Variants in TMCO6 observed in about 807,000 individuals in gnomAD.
TMCO6 encodes the protein transmembrane and coiled-coil domains 6, also known as transmembrane and coiled-coil domain-containing protein 6.
Under a neutral mutation model 61.8 loss-of-function variants are expected in TMCO6, and 47 were observed. That is an observed-to-expected ratio of 0.76 (90% CI 0.60 to 0.97). The LOEUF is 0.97. Ranked by LOEUF, TMCO6 falls within the 50% of genes least tolerant of loss-of-function variation. TMCO6 has a pLI of 0.00. For missense variants in TMCO6, 557 were observed against 601.6 expected (o/e 0.93, Z 0.78); for synonymous variants, 261 against 254.2 (o/e 1.03, Z -0.25).
At chr5:140,647,071 C>A, downstream of TMCO6, 1 of 678,848 alleles carries the variant, frequency 1.5e-6, no homozygotes. Context: ...CTTATGTTGC[C>A]CGGAATACAA....
chr5:140,612,158 A>T, the TMCO6 span, among the ~76,000 whole-genome samples: 1 of 152,266 alleles, frequency 6.6e-6, no homozygotes, highest in Non-Finnish European at 1.5e-5. Context: ...CTACAACCAC[A>T]ACATTCCACT....
chr5:140,647,467 C>A, downstream of TMCO6: 1 of 1,611,526 alleles, frequency 6.2e-7, no homozygotes, highest in Non-Finnish European at 8.5e-7. Context: ...GCCCGCCTCA[C>A]CACGCCGCGC....
intron 6 of TMCO6, 23 bp from the exon 7 acceptor site, chr5:140,642,902 T>TA (rs763037943): frequency 1.2e-6 from 2 of 1,614,166 alleles, no homozygotes; most frequent in South Asian, 1.1e-5. Context: ...GGTTCCTACT[T>TA]ACAGCCCTGC....
At chr5:140,605,570 C>CAGG in the TMCO6 span, among the ~76,000 whole-genome samples, 1 of 151,948 alleles carries the variant, frequency 6.6e-6, no homozygotes, top group South Asian at 2.1e-4. Flanking sequence ...ATCCCAGCTA[C>CAGG]TTGGGAGGCT....
At chr5:140,633,017 AC>A in the TMCO6 span, 2 of 1,613,720 alleles carry the variant, frequency 1.2e-6, no homozygotes, top group African/African-American at 2.7e-5. Context: ...GCCCCATCCA[AC>A]CCCTGTGGCT....
intron 2 of TMCO6, among the ~76,000 whole-genome samples, 174 bp downstream of exon 2, chr5:140,640,025 A>G (rs1293652353): frequency 1.3e-5 from 2 of 152,180 alleles, no homozygotes; most frequent in Non-Finnish European, 2.9e-5. Context: ...CCACAACCCC[A>G]TATCGATCCA....
chr5:140,609,571 C>T, the TMCO6 span, among the ~76,000 whole-genome samples: 1 of 151,314 alleles, frequency 6.6e-6, no homozygotes, highest in East Asian at 1.9e-4. Context: ...AGCCCCCTAC[C>T]TCGGGCATGG....
At chr5:140,619,429 A>T in the TMCO6 span, among the ~76,000 whole-genome samples, 2 of 152,214 alleles carry the variant, frequency 1.3e-5, no homozygotes, top group Non-Finnish European at 2.9e-5. Context: ...TCTCTTGGGT[A>T]ACTGCCAAAC....
At position 140,639,597 on chromosome 5, in the gene TMCO6, CG is replaced by C; in HGVS notation, c.73del (p.Glu25SerfsTer21). 1 of 1,543,036 alleles carries C rather than the reference CG, an allele frequency of 6.5e-7. No individual in the cohort carries two copies. The highest frequency in any genetic ancestry group is 8.7e-7 in the Non-Finnish European group (1 of 1,143,176). On this transcript the variant is annotated frameshift_variant, in exon 1 of 12. Coordinates refer to ENST00000394671, the MANE Select transcript of TMCO6 (RefSeq NM_018502.5). LOFTEE classifies it high-confidence loss of function. ...CGVEELRRRRREREAALRKAR... is the reference protein window; with the variant it reads ...CGVEELRRRRXEREAALRKAR... ...GGTGGAGGAGCTACGGCGCCGCCGG[CG>C]GGAGCGGGAGGCAGGTGTGGGCGGC...
the TMCO6 span, among the ~76,000 whole-genome samples, chr5:140,626,880 T>C: frequency 6.6e-6 from 1 of 152,224 alleles, no homozygotes; most frequent in East Asian, 1.9e-4. Context: ...AGCAGATCAG[T>C]GCTCTAAGAA....
At chr5:140,627,814 T>C in the TMCO6 span, among the ~76,000 whole-genome samples, 1 of 151,430 alleles carries the variant, frequency 6.6e-6, no homozygotes, top group African/African-American at 2.4e-5. Flanking sequence ...GAGAATCACT[T>C]GAACCTGGGA....
At chr5:140,643,244 TGGA>T in intron 7 of TMCO6, 1 of 721,220 alleles carries the variant, frequency 1.4e-6, no homozygotes, top group Non-Finnish European at 2.2e-6. Flanking sequence ...CCAGGCTGGA[TGGA>T]GTACAGTGGT....
the TMCO6 span, among the ~76,000 whole-genome samples, chr5:140,630,706 AGT>A: frequency 6.6e-6 from 1 of 152,232 alleles, no homozygotes; most frequent in East Asian, 1.9e-4. Flanking sequence ...CATTCCAGTG[AGT>A]GTCCAGCTAA....
At chr5:140,643,532 T>C (rs1757181924) in intron 7 of TMCO6, 32 bp from the exon 8 acceptor site, 5 of 1,590,538 alleles carry the variant, frequency 3.1e-6, no homozygotes, top group African/African-American at 2.7e-5. Flanking sequence ...ATTGACTATA[T>C]ACCTAGGGAC....
At chr5:140,647,064 A>G (rs2149802632), downstream of TMCO6, 2 of 648,184 alleles carry the variant, frequency 3.1e-6, no homozygotes, top group Middle Eastern at 4.2e-4. Context: ...CTGCATACTT[A>G]TGTTGCCCGG....
chr5:140,640,446 G>A (rs1756951262), intron 2 of TMCO6, among the ~76,000 whole-genome samples: 2 of 146,260 alleles, frequency 1.4e-5, no homozygotes, highest in African/African-American at 5.1e-5. Flanking sequence ...TCGCTCTGTC[G>A]CCAGGCTGGA....
chr5:140,600,469 G>GT, the TMCO6 span, among the ~76,000 whole-genome samples: 3,088 of 138,242 alleles, frequency 0.022, 75 homozygotes, highest in African/African-American at 0.062. Context: ...AATTTGTTTT[G>GT]TTTTTTTTTT....
the TMCO6 span, chr5:140,632,202 A>C: frequency 2.5e-6 from 4 of 1,613,442 alleles, no homozygotes; most frequent in Admixed American, 6.7e-5. The surrounding 1 kb of genome is among the most constrained non-coding windows in gnomAD (Gnocchi z 6.2). Context: ...GGTGGCGCGC[A>C]GCGAGTTGTG....
rs771580481 is a variant in TMCO6 at position 140,644,096 on chromosome 5, C to G, written c.1106-4C>G. The G allele has an allele frequency of 4.3e-6, 7 of 1,613,980 alleles. No individual in the cohort carries two copies. The highest frequency in any genetic ancestry group is 5.9e-6 in the Non-Finnish European group (7 of 1,179,984). On this transcript the variant is annotated splice_polypyrimidine_tract_variant and splice_region_variant and intron_variant, in intron 9 of 11. Transcript: ENST00000394671. ...AGTTTTTCACCCTGGTACTTCTCTT[C>G]CAGCAAACAGTCCTAGTTTCTGTAC...
Sources: allele counts gnomAD v4.1 joint callset (sites outside exome capture counted in the v4.1 genomes callset), GRCh38; gene constraint gnomAD v4.1.1; non-coding constraint Gnocchi (gnomAD v3.1); transcripts MANE v1.5; gene names NCBI Gene and HGNC (gene_info 2026-07-23, HGNC 2026-07-21).